NSD3: variants seen among roughly 807,000 people sequenced by gnomAD.
The protein encoded by NSD3 is nuclear receptor binding SET domain protein 3, also known as histone-lysine N-methyltransferase NSD3.
A neutral mutation model predicts 160.8 loss-of-function variants in NSD3; 24 were observed. That is an observed-to-expected ratio of 0.15 (90% CI 0.11 to 0.21). NSD3 has a LOEUF of 0.21. Ranked by LOEUF, NSD3 falls within the 10% of genes least tolerant of loss-of-function variation. The probability of loss-of-function intolerance (pLI) is 1.00; values close to 1 mark genes in which losing one functional copy is unlikely to be tolerated. For synonymous variants in NSD3, 520 were observed against 600.0 expected, an observed-to-expected ratio of 0.87 and a Z score of 1.95; for missense variants, 1,157 against 1,735.9, an observed-to-expected ratio of 0.67 and a Z score of 5.93.
intron 1 of NSD3, among the ~76,000 whole-genome samples, chr8:38,350,528 G>A (rs879033704): frequency 6.6e-6 from 1 of 152,010 alleles, no homozygotes; most frequent in African/African-American, 2.4e-5. Flanking sequence ...CTTTTTGATG[G>A]GGTTGTTTTT....
rs1411826999 is a variant in NSD3 at position 38,318,803 on chromosome 8, CAG to C, written c.1855+90_1855+91del. On this transcript the variant is annotated intron_variant, in intron 9 of 23. Transcript: ENST00000317025. This position sits in a 1 kb window ranked among gnomAD's most constrained non-coding sequence, Gnocchi z 5.3. Reference sequence around the variant, plus strand: ...CACACTGAAGAGCAACAACGATTTACAGAGACAGACAAAAATACATGAAGTAC... The same window carrying C: ...CACACTGAAGAGCAACAACGATTTACAGACAGACAAAAATACATGAAGTAC... The C allele has an allele frequency of 6.3e-5, 79 of 1,259,592 alleles. No individual in the cohort carries two copies. The highest frequency in any genetic ancestry group is 8.7e-5 in the Non-Finnish European group (76 of 869,696). 78.0% of individuals were successfully genotyped at this position (1,259,592 alleles called of 1,614,324 possible).
chr8:38,332,392 C>G (rs1417459630), intron 4 of NSD3, among the ~76,000 whole-genome samples: 2 of 152,218 alleles, frequency 1.3e-5, no homozygotes, highest in Non-Finnish European at 2.9e-5. Flanking sequence ...TTGCCTCAGC[C>G]TCCCAAAGTG....
At chr8:38,370,590 C>T (rs899742845) in intron 1 of NSD3, among the ~76,000 whole-genome samples, 2 of 152,124 alleles carry the variant, frequency 1.3e-5, no homozygotes, top group African/African-American at 2.4e-5. Flanking sequence ...ATATATCACA[C>T]AAGCTGTTGT....
At chr8:38,315,612 A>G in intron 10 of NSD3, 68 bp from the exon 11 acceptor site, 2 of 1,585,884 alleles carry the variant, frequency 1.3e-6, no homozygotes, top group Non-Finnish European at 1.7e-6. Flanking sequence ...AGATGCTATG[A>G]AAATCCTAGT....
At chr8:38,324,103 A>C (rs543910277) in intron 7 of NSD3, among the ~76,000 whole-genome samples, 1 of 152,352 alleles carries the variant, frequency 6.6e-6, no homozygotes, top group African/African-American at 2.4e-5. Flanking sequence ...AGAAGGGAAC[A>C]TTCTCAATTA....
At chr8:38,342,143 C>T (rs1810386976) in intron 2 of NSD3, among the ~76,000 whole-genome samples, 1 of 151,778 alleles carries the variant, frequency 6.6e-6, no homozygotes, top group Non-Finnish European at 1.5e-5. Flanking sequence ...CGAAGGATGC[C>T]CAAGAGGATT....
Position 38,319,035 on chromosome 8 carries a change from A to G in NSD3, c.1810-95T>C. ...GATACTTTCATCAATCTAAGCAATG[A>G]TGAGTGATTAATGTATCTGAAATCT... On this transcript the variant is annotated intron_variant, in intron 8 of 23. Coordinates refer to ENST00000317025, the MANE Select transcript of NSD3 (RefSeq NM_023034.2). The surrounding 1 kb of genome is among the most constrained non-coding windows in gnomAD (Gnocchi z 4.1). 1 of 1,086,078 alleles carries G rather than the reference A, an allele frequency of 9.2e-7. No homozygotes were observed. The highest frequency in any genetic ancestry group is 1.4e-5 in the South Asian group (1 of 69,432). 67.3% of individuals were successfully genotyped at this position (1,086,078 alleles called of 1,614,324 possible).
intron 20 of NSD3, 160 bp from the exon 21 acceptor site, chr8:38,279,841 C>G: frequency 1.4e-6 from 1 of 710,184 alleles, no homozygotes; most frequent in South Asian, 2.2e-5. Context: ...TTACTAAGTT[C>G]TCTCCTTTAT....
chr8:38,306,971 C>T (rs917605800), intron 12 of NSD3, among the ~76,000 whole-genome samples: 6 of 151,474 alleles, frequency 4.0e-5, no homozygotes, highest in African/African-American at 7.3e-5. Flanking sequence ...AAAAATTAGC[C>T]GGGTGTGGTG....
chr8:38,276,520 C>A lies in NSD3; in HGVS notation c.3868-20G>T, dbSNP rs2130979859. 6.2e-7 allele frequency: 1 copy of A among 1,613,444 alleles called. No individual in the cohort carries two copies. Among genetic ancestry groups the A allele is most frequent in the South Asian group, 1.1e-5 (1 of 90,984 alleles). ...TGCCGACTGGCAGGAAAGAAAGGAT[C>A]ATAGTTTCAAACATCACAGACAGTG... On this transcript the variant is annotated intron_variant, in intron 22 of 23. Coordinates refer to ENST00000317025, the MANE Select transcript of NSD3 (RefSeq NM_023034.2).
Position 38,279,681 on chromosome 8 carries a change from C to T in NSD3, c.3619G>A (p.Asp1207Asn). Reference sequence around the variant, plus strand: ...TTTGGGCCGGCATCAATTATACGGTCCTTCAGAAAGAAAAGAAAAGTACCT... The same window carrying T: ...TTTGGGCCGGCATCAATTATACGGTTCTTCAGAAAGAAAAGAAAAGTACCT... ...TNFYMLTVTKDRIIDAGPKGN... is the reference protein window; with the variant it reads ...TNFYMLTVTKNRIIDAGPKGN... Residue 1207 changes from aspartate to asparagine, a missense_variant and splice_region_variant, in exon 21 of 24, where the codon GAC (aspartate) becomes AAC (asparagine). By Grantham distance (23) the Asp-to-Asn change is conservative (BLOSUM62 1). Transcript: ENST00000317025. The T allele has an allele frequency of 6.2e-7, 1 of 1,610,330 alleles. No individual in the cohort carries two copies. The highest frequency in any genetic ancestry group is 1.1e-5 in the South Asian group (1 of 90,864).
At chr8:38,322,654 A>C (rs1445074077) in intron 7 of NSD3, among the ~76,000 whole-genome samples, 2 of 152,250 alleles carry the variant, frequency 1.3e-5, no homozygotes, top group Non-Finnish European at 2.9e-5. Context: ...AAGAACATAT[A>C]CATTTAAAAC....
chr8:38,367,480 G>A (rs547498758), intron 1 of NSD3, among the ~76,000 whole-genome samples: 1 of 152,160 alleles, frequency 6.6e-6, no homozygotes, highest in Non-Finnish European at 1.5e-5. Flanking sequence ...GGGAGGCCGA[G>A]GCAGGCAGAT....
intron 14 of NSD3, among the ~76,000 whole-genome samples, chr8:38,302,538 A>C (rs1809301187): frequency 6.6e-6 from 1 of 152,248 alleles, no homozygotes; most frequent in Non-Finnish European, 1.5e-5. Context: ...CAAATTGTTA[A>C]GATGTAAATA....
At chr8:38,305,501 T>C in intron 12 of NSD3, 56 bp from the exon 13 acceptor site, 1 of 1,565,070 alleles carries the variant, frequency 6.4e-7, no homozygotes, top group Non-Finnish European at 8.7e-7. Context: ...CATATTCAAG[T>C]AGAAGCAGCT....
In NSD3 at chr8:38,308,930, T is replaced by C. The variant is rs1227946532; in HGVS notation, c.2243-3485A>G. Among the ~76,000 whole-genome samples the C allele has an allele frequency of 7.9e-5, 12 of 152,244 alleles. No individual in the cohort carries two copies. In the South Asian group the frequency reaches 2.5e-3, roughly 32 times the overall value. On this transcript the variant is annotated intron_variant, in intron 12 of 23. Transcript: ENST00000317025. ...CTAACAGAGAGCTGAACTATCAAAC[T>C]CCTTTAAGACTTAGGTTAGAGCTCT...
Position 38,329,975 on chromosome 8 carries a change from G to T in NSD3, c.1066-82C>A. 1.4e-6 allele frequency: 2 copies of T among 1,464,398 alleles called. No individual in the cohort carries two copies. The highest frequency in any genetic ancestry group is 1.4e-5 in the South Asian group (1 of 71,448). 90.7% of individuals were successfully genotyped at this position (1,464,398 alleles called of 1,614,324 possible). A position where few individuals can be genotyped will look rare whatever the true frequency, so the allele number is the denominator to read the frequency against. On this transcript the variant is annotated intron_variant, in intron 5 of 23. Coordinates refer to ENST00000317025, the MANE Select transcript of NSD3 (RefSeq NM_023034.2). The surrounding 1 kb of genome is among the most constrained non-coding windows in gnomAD (Gnocchi z 4.8). The stretch of plus-strand genomic sequence containing the variant: ...TGATATGTATTTCCCATGTGATCCT[G>T]TTATCTTTTCAGGTCTACATAAATA...
At chr8:38,289,659 T>TG (rs1163862198) in intron 17 of NSD3, among the ~76,000 whole-genome samples, 154 bp from the exon 18 acceptor site, 1 of 152,200 alleles carries the variant, frequency 6.6e-6, no homozygotes, top group Non-Finnish European at 1.5e-5. Context: ...ACCACCAGGA[T>TG]GGGGTAACAA....
chr8:38,271,781 A>T lies in NSD3; in HGVS notation c.*3860T>A, dbSNP rs913143601. 84 of 152,358 alleles carry T rather than the reference A, an allele frequency of 5.5e-4. No homozygotes were observed. The highest frequency in any genetic ancestry group is 3.4e-3 in the Middle Eastern group (1 of 294). 9.4% of individuals were successfully genotyped at this position (152,358 alleles called of 1,614,324 possible). On this transcript the variant is annotated 3_prime_UTR_variant, in exon 24 of 24. Transcript: ENST00000317025. Reference sequence around the variant, plus strand: ...TGTCCTTTTTCTCATATGGAAGTATAGAATGTCAGCTTCCCAGCTGTGAGG... The same window carrying T: ...TGTCCTTTTTCTCATATGGAAGTATTGAATGTCAGCTTCCCAGCTGTGAGG...
Sources: allele counts gnomAD v4.1 joint callset (sites outside exome capture counted in the v4.1 genomes callset), GRCh38; gene constraint gnomAD v4.1.1; non-coding constraint Gnocchi (gnomAD v3.1); transcripts MANE v1.5; gene names NCBI Gene and HGNC (gene_info 2026-07-23, HGNC 2026-07-21).